MYO16: variants seen among roughly 807,000 people sequenced by gnomAD.
MYO16 encodes the protein myosin XVI.
MYO16 carries 94 observed loss-of-function variants against 205.3 expected under a neutral mutation model. That is an observed-to-expected ratio of 0.46 (90% CI 0.39 to 0.54). The LOEUF (loss-of-function observed/expected upper bound fraction) is 0.54. MYO16 is among the 20% of genes least tolerant of loss of function. MYO16 has a pLI of 0.00. For missense variants in MYO16, 2,315 were observed against 2,387.5 expected (o/e 0.97, Z 0.63); for synonymous variants, 988 against 954.0 (o/e 1.04, Z -0.66).
At chr13:108,585,500 T>C in the MYO16 span, among the ~76,000 whole-genome samples, 3 of 152,166 alleles carry the variant, frequency 2.0e-5, no homozygotes, top group African/African-American at 4.8e-5. Flanking sequence ...GGTTGTAAAT[T>C]GTTTCTTATC....
intron 20 of MYO16, among the ~76,000 whole-genome samples, chr13:108,985,125 T>C (rs552157587): frequency 6.6e-6 from 1 of 152,374 alleles, no homozygotes; most frequent in African/African-American, 2.4e-5. Context: ...AATGTAGATA[T>C]AACCACTCTG....
chr13:108,601,485 A>G lies in MYO16; in HGVS notation c.-39+5246A>G, dbSNP rs1185918848. Among the ~76,000 whole-genome samples, 5 of 152,168 alleles carry G rather than the reference A, an allele frequency of 3.3e-5. No homozygotes were observed. The East Asian group carries it at 9.6e-4, about 29-fold the overall frequency. Reference sequence around the variant, plus strand: ...CTCTACTTAAAGAACTATGAATTATATGGTCATCTAAAATCCGATTGGGGA... The same window carrying G: ...CTCTACTTAAAGAACTATGAATTATGTGGTCATCTAAAATCCGATTGGGGA... On this transcript the variant is annotated intron_variant, in intron 1 of 24. Coordinates refer to the MYO16 transcript ENST00000251041.
intron 10 of MYO16, among the ~76,000 whole-genome samples, chr13:108,848,223 A>G (rs945354658): frequency 1.3e-5 from 2 of 152,224 alleles, no homozygotes; most frequent in Admixed American, 6.5e-5. Flanking sequence ...CGGTTTTGCC[A>G]GAGCAGTAGT....
chr13:109,145,204 A>G (rs1203924358), intron 32 of MYO16, among the ~76,000 whole-genome samples: 1 of 152,096 alleles, frequency 6.6e-6, no homozygotes, highest in Non-Finnish European at 1.5e-5. Flanking sequence ...ACTTATCTCC[A>G]TTTTACAGGT....
chr13:108,529,353 T>G, the MYO16 span, among the ~76,000 whole-genome samples: 1 of 152,162 alleles, frequency 6.6e-6, no homozygotes, highest in African/African-American at 2.4e-5. Flanking sequence ...TGCACACTTC[T>G]TCATTTGCTG....
At chr13:109,054,836 T>C (rs1410473478) in intron 25 of MYO16, among the ~76,000 whole-genome samples, 1 of 152,106 alleles carries the variant, frequency 6.6e-6, no homozygotes, top group Non-Finnish European at 1.5e-5. Context: ...GAACTGAAAT[T>C]TAGTAAAATA....
At chr13:108,692,307 G>C (rs557256796) in intron 2 of MYO16, among the ~76,000 whole-genome samples, 4 of 151,614 alleles carry the variant, frequency 2.6e-5, no homozygotes, top group African/African-American at 9.7e-5. Context: ...AACTGACTGA[G>C]GTATTTGGTA....
chr13:109,048,303 G>A, intron 24 of MYO16: 1 of 730,960 alleles, frequency 1.4e-6, no homozygotes, highest in South Asian at 1.5e-5. Context: ...AAAGTTCCAG[G>A]AAAAAACAAT....
At position 108,778,671 on chromosome 13, in the gene MYO16, T is replaced by G. The variant is rs117344559; in HGVS notation, c.508-6964T>G. Reference sequence around the variant, plus strand: ...ACTGGAGTCTAACCAGATATTGCCATTTCAGGTCTCAGGACACTAGTCCAT... The same window carrying G: ...ACTGGAGTCTAACCAGATATTGCCAGTTCAGGTCTCAGGACACTAGTCCAT... On this transcript the variant is annotated intron_variant, in intron 4 of 34. Transcript: ENST00000457511. Among the ~76,000 whole-genome samples the G allele has an allele frequency of 1.4e-4, 21 of 152,296 alleles. No homozygotes were observed. The East Asian group carries it at 3.9e-3, about 28-fold the overall frequency.
intron 22 of MYO16, among the ~76,000 whole-genome samples, chr13:109,015,659 G>A (rs1452427431): frequency 6.6e-6 from 1 of 152,150 alleles, no homozygotes; most frequent in Non-Finnish European, 1.5e-5. Context: ...GGTCTATTCA[G>A]TGATTCAGCT....
At chr13:108,823,980 CTG>C (rs1386546396) in intron 9 of MYO16, among the ~76,000 whole-genome samples, 1 of 152,050 alleles carries the variant, frequency 6.6e-6, no homozygotes, top group Non-Finnish European at 1.5e-5. Context: ...AATCTACTGA[CTG>C]TGGGGCTTGG....
At chr13:108,721,575 C>T (rs1031756314) in intron 3 of MYO16, among the ~76,000 whole-genome samples, 1 of 152,142 alleles carries the variant, frequency 6.6e-6, no homozygotes, top group Non-Finnish European at 1.5e-5. Flanking sequence ...AGAAGGATGT[C>T]ATCATGGTCC....
At chr13:108,971,349 TTATA>T (rs60564701) in intron 20 of MYO16, among the ~76,000 whole-genome samples, 97,049 of 144,148 alleles carry the variant, frequency 0.67, 33,792 homozygotes, top group South Asian at 0.78. Context: ...TGTGTGTTGA[TTATA>T]TATATATATA....
intron 20 of MYO16, among the ~76,000 whole-genome samples, chr13:108,990,715 G>A (rs1394493058): frequency 6.6e-6 from 1 of 151,900 alleles, no homozygotes; most frequent in Non-Finnish European, 1.5e-5. Context: ...CGTGAAATTT[G>A]TACGAAGGCT....
At chr13:108,681,391 A>G (rs76564187) in intron 2 of MYO16, among the ~76,000 whole-genome samples, 6,607 of 152,182 alleles carry the variant, frequency 0.043, 217 homozygotes, top group South Asian at 0.15. Flanking sequence ...ATCCTTCTCC[A>G]TTGCCTACTA....
upstream of MYO16, among the ~76,000 whole-genome samples, chr13:108,625,718 A>T (rs934214943): frequency 1.3e-5 from 2 of 152,218 alleles, no homozygotes; most frequent in Admixed American, 6.5e-5. Flanking sequence ...CCCATCACAG[A>T]GCTTAAATTT....
intron 20 of MYO16, among the ~76,000 whole-genome samples, chr13:108,980,223 C>CA: frequency 6.6e-6 from 1 of 152,164 alleles, no homozygotes; most frequent in East Asian, 1.9e-4. Flanking sequence ...TTTAAAAGGC[C>CA]AAAAAATCCA....
intron 27 of MYO16, among the ~76,000 whole-genome samples, chr13:109,076,548 C>T (rs1355789812): frequency 7.9e-5 from 12 of 152,122 alleles, no homozygotes; most frequent in South Asian, 4.2e-4. Context: ...AAACTCCTGA[C>T]GCTCCCAGTG....
intron 34 of MYO16, among the ~76,000 whole-genome samples, chr13:109,193,101 TACTC>T (rs1394424007): frequency 3.3e-5 from 5 of 151,778 alleles, no homozygotes; most frequent in Admixed American, 2.0e-4. Context: ...ACTTCATACA[TACTC>T]TCTCTCTCTC....
Sources: gnomAD v4.1 joint callset for allele counts (sites outside exome capture counted in the v4.1 genomes callset) on GRCh38, gnomAD v4.1.1 for gene constraint, MANE v1.5 for transcripts, NCBI Gene and HGNC (gene_info 2026-07-23, HGNC 2026-07-21) for gene names.